ZNF322: variants seen among roughly 807,000 people sequenced by gnomAD.
ZNF322 encodes HLA complex group 12.
ZNF322 carries 1 observed loss-of-function variant against 18.3 expected under a neutral mutation model. The observed-to-expected ratio is 0.05, with a 90% confidence interval of 0.02 to 0.26. The LOEUF (loss-of-function observed/expected upper bound fraction) is 0.26, where lower values mean the gene tolerates loss of function less well. Among genes scored for constraint, ZNF322 ranks in the 10% least tolerant of loss-of-function variants. ZNF322 has a pLI of 1.00. For missense variants in ZNF322, 36 were observed against 403.6 expected (o/e 0.09, Z 7.80); for synonymous variants, 17 against 130.7 (o/e 0.13, Z 5.93).
Position 26,638,642 on chromosome 6 carries a change from G to A in ZNF322, c.-89C>T, listed in dbSNP as rs1765410371. ...TCATTTTCTTGATAAGAACTTGGAA[G>A]ATACATCTGTTTCAGGCCTTTCAAT... On this transcript the variant is annotated 5_prime_UTR_variant, in exon 4 of 4. Coordinates refer to ENST00000415922, the MANE Select transcript of ZNF322 (RefSeq NM_024639.5). 1 of 901,248 alleles carries A rather than the reference G, an allele frequency of 1.1e-6. No individual in the cohort carries two copies. The highest frequency in any genetic ancestry group is 1.7e-6 in the Non-Finnish European group (1 of 584,622). 55.8% of individuals were successfully genotyped at this position (901,248 alleles called of 1,614,324 possible).
chr6:26,640,461 G>C (rs1480390212), intron 3 of ZNF322, among the ~76,000 whole-genome samples: 4 of 152,030 alleles, frequency 2.6e-5, no homozygotes, highest in African/African-American at 9.7e-5. Context: ...TCTCTTCCTG[G>C]ATGAAGGGCT....
intron 2 of ZNF322, among the ~76,000 whole-genome samples, chr6:26,649,879 T>G (rs958818062): frequency 2.0e-5 from 3 of 150,712 alleles, no homozygotes; most frequent in Non-Finnish European, 4.4e-5. Flanking sequence ...AATTCTGTAT[T>G]TTTAGTAGAG....
At chr6:26,650,997 G>A (rs1765658762) in intron 2 of ZNF322, among the ~76,000 whole-genome samples, 1 of 152,120 alleles carries the variant, frequency 6.6e-6, no homozygotes, top group Non-Finnish European at 1.5e-5. Context: ...CAAAGTTGGA[G>A]GACTGATGCT....
chr6:26,649,669 GTGTGTGTATATA>G lies in ZNF322; in HGVS notation c.-245-5953_-245-5942del, dbSNP rs1413136366. The stretch of plus-strand genomic sequence containing the variant: ...TGTGTGTGTGTGTGTGTGTGTGTGT[GTGTGTGTATATA>G]TATATATATATATATATATATTTTT... On this transcript the variant is annotated intron_variant, in intron 2 of 3. Coordinates refer to ENST00000415922, the MANE Select transcript of ZNF322 (RefSeq NM_024639.5). Among the ~76,000 whole-genome samples the G allele has an allele frequency of 2.5e-4, 9 of 36,276 alleles. 1 individual carries two copies. The highest frequency in any genetic ancestry group is 3.3e-4 in the African/African-American group (3 of 9,126). 23.8% of individuals were successfully genotyped at this position (36,276 alleles called of 152,430 possible). A position where few individuals can be genotyped will look rare whatever the true frequency, so the allele number is the denominator to read the frequency against.
chr6:26,643,389 T>C (rs1765498365), intron 3 of ZNF322, among the ~76,000 whole-genome samples: 1 of 152,236 alleles, frequency 6.6e-6, no homozygotes, highest in Non-Finnish European at 1.5e-5. Flanking sequence ...TAACATACTA[T>C]ATAATTCACT....
chr6:26,644,643 TTTTA>T (rs1289318065), intron 2 of ZNF322, among the ~76,000 whole-genome samples: 3 of 152,132 alleles, frequency 2.0e-5, no homozygotes, highest in Admixed American at 6.6e-5. Context: ...CCAGCAGTGA[TTTTA>T]TTTCTTTTTT....
intron 3 of ZNF322, 109 bp from the exon 4 acceptor site, chr6:26,638,837 T>G (rs1554148072): frequency 6.0e-6 from 2 of 334,772 alleles, no homozygotes; most frequent in East Asian, 1.5e-4. Context: ...TCCCTAAGTC[T>G]TCTAGGTTTT....
At chr6:26,648,752 T>C (rs543299011) in intron 2 of ZNF322, among the ~76,000 whole-genome samples, 3 of 152,314 alleles carry the variant, frequency 2.0e-5, no homozygotes, top group Admixed American at 6.5e-5. Context: ...AAATAAAGCA[T>C]AGGAAAACTT....
intron 3 of ZNF322, among the ~76,000 whole-genome samples, chr6:26,640,375 C>T (rs1765445628): frequency 6.6e-6 from 1 of 152,194 alleles, no homozygotes; most frequent in Admixed American, 6.5e-5. Context: ...ACTCATTGCA[C>T]TCCAGTCACC....
intron 3 of ZNF322, 121 bp from the exon 4 acceptor site, chr6:26,638,849 T>C (rs141161000): frequency 3.4e-6 from 1 of 296,598 alleles, no homozygotes; most frequent in Non-Finnish European, 6.4e-6. Flanking sequence ...CTAGGTTTTA[T>C]ATGGCTTGAA....
At chr6:26,650,613 A>G (rs1392779289) in intron 2 of ZNF322, among the ~76,000 whole-genome samples, 1 of 152,244 alleles carries the variant, frequency 6.6e-6, no homozygotes, top group African/African-American at 2.4e-5. Flanking sequence ...CAGGGTTAAC[A>G]TACAAATCAA....
At chr6:26,641,866 C>T (rs1216079457) in intron 3 of ZNF322, among the ~76,000 whole-genome samples, 4 of 152,044 alleles carry the variant, frequency 2.6e-5, no homozygotes, top group South Asian at 2.1e-4. Flanking sequence ...GATATGGCCT[C>T]GTGGGAAGGG....
chr6:26,649,675 G>GTGCGTATA (rs1465971500), intron 2 of ZNF322, among the ~76,000 whole-genome samples: 2 of 22,956 alleles, frequency 8.7e-5, no homozygotes, highest in Non-Finnish European at 1.4e-4. Flanking sequence ...GTGTGTGTGT[G>GTGCGTATA]TATATATATA....
At chr6:26,650,283 A>G (rs940175778) in intron 2 of ZNF322, 8 of 152,224 alleles carry the variant, frequency 5.3e-5, no homozygotes, top group African/African-American at 1.7e-4. Context: ...AGGAACAAAG[A>G]GAAACTTCTT....
At chr6:26,652,552 T>C (rs894803158) in intron 2 of ZNF322, among the ~76,000 whole-genome samples, 2 of 152,066 alleles carry the variant, frequency 1.3e-5, no homozygotes, top group Non-Finnish European at 1.5e-5. Flanking sequence ...TAGCTGAGCC[T>C]GGTAGCAGGA....
chr6:26,648,841 T>C (rs1433153053), intron 2 of ZNF322, among the ~76,000 whole-genome samples: 2 of 152,244 alleles, frequency 1.3e-5, no homozygotes, highest in Non-Finnish European at 2.9e-5. Flanking sequence ...TTCAACATTA[T>C]GAAGATGTTC....
At chr6:26,649,688 TATATATATA>T (rs782489237) in intron 2 of ZNF322, among the ~76,000 whole-genome samples, 1,887 of 85,404 alleles carry the variant, frequency 0.022, 88 homozygotes, top group Non-Finnish European at 0.031. Flanking sequence ...TATATATATA[TATATATATA>T]TATATTTTTT....
chr6:26,645,538 A>T (rs1288009001), intron 2 of ZNF322, among the ~76,000 whole-genome samples: 5 of 152,188 alleles, frequency 3.3e-5, no homozygotes, highest in African/African-American at 1.2e-4. Flanking sequence ...GGAGTCTTGG[A>T]CCATATCCCC....
At chr6:26,641,790 C>T (rs183757000) in intron 3 of ZNF322, among the ~76,000 whole-genome samples, 8 of 152,266 alleles carry the variant, frequency 5.3e-5, no homozygotes, top group East Asian at 1.9e-4. Flanking sequence ...TGTGGAAGGC[C>T]GCAGGGACCT....
Sources: allele counts gnomAD v4.1 joint callset (sites outside exome capture counted in the v4.1 genomes callset), GRCh38; gene constraint gnomAD v4.1.1; transcripts MANE v1.5; gene names NCBI Gene and HGNC (gene_info 2026-07-23, HGNC 2026-07-21).